Variants in RGS6 observed in about 807,000 individuals in gnomAD.
RGS6 encodes the protein regulator of G protein signaling 6, also known as regulator of G-protein signaling 6.
RGS6 carries 30 observed loss-of-function variants against 78.5 expected under a neutral mutation model. The ratio of observed to expected loss-of-function variants is 0.38; its 90% confidence interval spans 0.29 to 0.52. RGS6 has a LOEUF of 0.52. Ranked by LOEUF, RGS6 falls within the 20% of genes least tolerant of loss-of-function variation. The pLI is 0.85. For synonymous variants in RGS6, 206 were observed against 206.0 expected, an observed-to-expected ratio of 1.00 and a Z score of 0.00; for missense variants, 495 against 609.7, an observed-to-expected ratio of 0.81 and a Z score of 1.98.
At chr14:72,162,386 C>T (rs1042041747) in intron 2 of RGS6, among the ~76,000 whole-genome samples, 2 of 152,108 alleles carry the variant, frequency 1.3e-5, no homozygotes, top group African/African-American at 4.8e-5. Flanking sequence ...AAGGCTAAAC[C>T]ACTCTGCAAA....
intron 2 of RGS6, among the ~76,000 whole-genome samples, chr14:72,252,964 G>C (rs753057694): frequency 5.3e-5 from 8 of 152,202 alleles, no homozygotes; most frequent in Non-Finnish European, 1.2e-4. Flanking sequence ...TCAAGGTCTT[G>C]TGCCAGCCAT....
chr14:71,897,583 C>T, the RGS6 span, among the ~76,000 whole-genome samples: 21 of 152,152 alleles, frequency 1.4e-4, no homozygotes, highest in East Asian at 5.8e-4. Context: ...TGCAGTGGCA[C>T]GACCTCAGCT....
chr14:72,141,839 G>T (rs2096543603), intron 2 of RGS6, among the ~76,000 whole-genome samples: 1 of 151,672 alleles, frequency 6.6e-6, no homozygotes, highest in South Asian at 2.1e-4. Context: ...ACCTTGGGTA[G>T]CCATGTTCCT....
At chr14:72,045,401 G>A (rs1409242062) in intron 2 of RGS6, among the ~76,000 whole-genome samples, 1 of 152,118 alleles carries the variant, frequency 6.6e-6, no homozygotes, top group African/African-American at 2.4e-5. Flanking sequence ...ACAGACTACA[G>A]TTGGCCTGTG....
intron 2 of RGS6, among the ~76,000 whole-genome samples, chr14:72,318,987 C>A (rs538922657): frequency 2.0e-5 from 3 of 152,326 alleles, no homozygotes; most frequent in East Asian, 3.9e-4. Context: ...TACCAACTCA[C>A]AACATCCTGA....
intron 2 of RGS6, among the ~76,000 whole-genome samples, chr14:72,080,948 G>A (rs1199376761): frequency 6.6e-6 from 1 of 152,076 alleles, no homozygotes; most frequent in African/African-American, 2.4e-5. Context: ...AAATCAGGTA[G>A]TGTGATGTCT....
chr14:72,182,058 A>G (rs1436114114), intron 2 of RGS6, among the ~76,000 whole-genome samples: 1 of 152,232 alleles, frequency 6.6e-6, no homozygotes, highest in East Asian at 1.9e-4. Context: ...CATGAAAACT[A>G]TTCTTTCCAT....
intron 2 of RGS6, among the ~76,000 whole-genome samples, chr14:72,127,098 A>G (rs748274480): frequency 1.2e-4 from 18 of 152,328 alleles, no homozygotes; most frequent in African/African-American, 3.1e-4. Flanking sequence ...ATCCCGTACC[A>G]TTGCATTTTC....
At chr14:71,895,612 T>C in the RGS6 span, among the ~76,000 whole-genome samples, 1 of 152,152 alleles carries the variant, frequency 6.6e-6, no homozygotes, top group Non-Finnish European at 1.5e-5. Flanking sequence ...ATCAGGATCC[T>C]GGTAGGGAGC....
intron 2 of RGS6, among the ~76,000 whole-genome samples, chr14:72,129,493 A>G (rs2096270854): frequency 6.6e-6 from 1 of 152,196 alleles, no homozygotes; most frequent in Non-Finnish European, 1.5e-5. Context: ...TGCACAACAA[A>G]CTACTCCAAC....
At chr14:71,979,629 T>C (rs376446319) in intron 2 of RGS6, among the ~76,000 whole-genome samples, 3 of 151,702 alleles carry the variant, frequency 2.0e-5, no homozygotes, top group African/African-American at 4.8e-5. Context: ...GTCTGAGAGA[T>C]AGTTTGTTAT....
the RGS6 span, among the ~76,000 whole-genome samples, chr14:71,907,949 G>C: frequency 6.6e-6 from 1 of 152,150 alleles, no homozygotes; most frequent in Non-Finnish European, 1.5e-5. Context: ...AATAGCACGG[G>C]TACTGGATCC....
intron 1 of RGS6, among the ~76,000 whole-genome samples, chr14:71,950,911 A>G (rs2092246167): frequency 6.6e-6 from 1 of 152,124 alleles, no homozygotes; most frequent in East Asian, 1.9e-4. Flanking sequence ...AAGAAACAAC[A>G]TGCTGGCGAG....
intron 2 of RGS6, among the ~76,000 whole-genome samples, chr14:72,290,086 A>G (rs528750184): frequency 2.0e-5 from 3 of 152,358 alleles, no homozygotes; most frequent in Admixed American, 6.5e-5. Context: ...TGAATCATAA[A>G]TAAGAAAAAC....
intron 2 of RGS6, among the ~76,000 whole-genome samples, chr14:72,321,231 A>G (rs1011595404): frequency 2.6e-5 from 4 of 151,990 alleles, no homozygotes; most frequent in African/African-American, 9.7e-5. Context: ...ATTAACCATA[A>G]TACAAACCTG....
intron 2 of RGS6, among the ~76,000 whole-genome samples, chr14:72,276,488 C>T (rs2060690286): frequency 6.6e-6 from 1 of 152,080 alleles, no homozygotes; most frequent in Non-Finnish European, 1.5e-5. Context: ...AAAAAACCTC[C>T]TTAGGGTGAT....
intron 2 of RGS6, among the ~76,000 whole-genome samples, chr14:72,063,323 G>A (rs2093982488): frequency 6.6e-6 from 1 of 152,154 alleles, no homozygotes; most frequent in Admixed American, 6.5e-5. Flanking sequence ...TGCCAAGGAG[G>A]AAGGAGAAAT....
At chr14:72,192,451 T>C (rs577415511) in intron 2 of RGS6, among the ~76,000 whole-genome samples, 1 of 152,204 alleles carries the variant, frequency 6.6e-6, no homozygotes, top group Non-Finnish European at 1.5e-5. Context: ...AACTCAGATA[T>C]GGGTTTTACA....
intron 13 of RGS6, among the ~76,000 whole-genome samples, chr14:72,502,967 C>G (rs2096748343): frequency 6.6e-6 from 1 of 152,146 alleles, no homozygotes; most frequent in Non-Finnish European, 1.5e-5. Context: ...TTGTCTTAGT[C>G]TGTTCAGGCT....
Sources: allele counts gnomAD v4.1 joint callset (sites outside exome capture counted in the v4.1 genomes callset), GRCh38; gene constraint gnomAD v4.1.1; transcripts MANE v1.5; gene names NCBI Gene and HGNC (gene_info 2026-07-23, HGNC 2026-07-21).